Variants in NCK2 observed in about 807,000 individuals in gnomAD.
NCK2 encodes cytoplasmic protein NCK2.
Under a neutral mutation model 33.9 loss-of-function variants are expected in NCK2, and 16 were observed. The ratio of observed to expected loss-of-function variants is 0.47; its 90% CI spans 0.32 to 0.72. The LOEUF (loss-of-function observed/expected upper bound fraction) is 0.72. NCK2 is among the 30% of genes least tolerant of loss of function. The pLI is 0.03. For missense variants in NCK2, 418 were observed against 537.3 expected, an observed-to-expected ratio of 0.78 and a Z score of 2.19; for synonymous variants, 273 against 239.9, an observed-to-expected ratio of 1.14 and a Z score of -1.27.
chr2:105,834,417 C>T (rs1676312951), intron 2 of NCK2, among the ~76,000 whole-genome samples: 1 of 152,108 alleles, frequency 6.6e-6, no homozygotes, highest in African/African-American at 2.4e-5. Flanking sequence ...TGTTTTTTGA[C>T]TTAAAGTCTA....
intron 1 of NCK2, among the ~76,000 whole-genome samples, chr2:105,812,245 G>A (rs1179247647): frequency 2.6e-5 from 4 of 152,170 alleles, no homozygotes; most frequent in Non-Finnish European, 5.9e-5. Context: ...CTGTGCACTG[G>A]ATGATTAAGA....
intron 2 of NCK2, among the ~76,000 whole-genome samples, chr2:105,838,100 T>C (rs772888372): frequency 1.1e-3 from 144 of 133,980 alleles, no homozygotes; most frequent in Non-Finnish European, 2.0e-3. Flanking sequence ...ACTAGAACAG[T>C]CCTTTTTTTT....
chr2:105,827,161 G>A (rs11124060), intron 2 of NCK2, among the ~76,000 whole-genome samples: 95,303 of 151,880 alleles, frequency 0.63, 30,826 homozygotes, highest in African/African-American at 0.79. Flanking sequence ...CACCACGCCC[G>A]GCTAATTTTT....
At position 105,893,292 on chromosome 2, in the gene NCK2, T is replaced by C. The variant is rs549629906; in HGVS notation, c.*116T>C. 5.7e-6 allele frequency: 6 copies of C among 1,048,438 alleles called. No individual in the cohort carries two copies. The African/African-American group carries it at 9.6e-5, about 17-fold the overall frequency. 64.9% of individuals were successfully genotyped at this position (1,048,438 alleles called of 1,614,324 possible). A position where few individuals can be genotyped will look rare whatever the true frequency, so the allele number is the denominator to read the frequency against. ...CCGACGGCTTCTCTGCGAGTCTCTC[T>C]TTATGTTCAGGTCGCTTGGTCGGTT... On this transcript the variant is annotated 3_prime_UTR_variant, in exon 5 of 5. Transcript: ENST00000233154.
chr2:105,776,924 C>G (rs1404258821), intron 1 of NCK2, among the ~76,000 whole-genome samples: 4 of 151,296 alleles, frequency 2.6e-5, no homozygotes, highest in Admixed American at 6.6e-5. Flanking sequence ...TGGAAACCTC[C>G]TAGGGGTTTC....
chr2:105,858,194 C>A (rs779160807), intron 3 of NCK2, among the ~76,000 whole-genome samples: 4 of 151,990 alleles, frequency 2.6e-5, no homozygotes, highest in Non-Finnish European at 5.9e-5. Context: ...AGAAATTATC[C>A]CTGCTGTGTA....
Position 105,893,508 on chromosome 2 carries a change from G to A in NCK2, c.*332G>A. The A allele has an allele frequency of 3.5e-6, 1 of 282,676 alleles. No individual in the cohort carries two copies. Among genetic ancestry groups the A allele is most frequent in the East Asian group, 7.1e-5 (1 of 14,152 alleles). The allele number at this position is 282,676 out of a possible 1,614,324, so 17.5% of individuals were successfully genotyped here. On this transcript the variant is annotated 3_prime_UTR_variant, in exon 5 of 5. Transcript: ENST00000233154. Reference sequence around the variant, plus strand: ...ACGCAGGGCACCTGTGAGCGCAGGAGCGAGCCTAAGGCCACCCAGCGGCAG... The same window carrying A: ...ACGCAGGGCACCTGTGAGCGCAGGAACGAGCCTAAGGCCACCCAGCGGCAG...
At chr2:105,834,792 TC>T in intron 2 of NCK2, among the ~76,000 whole-genome samples, 2 of 152,258 alleles carry the variant, frequency 1.3e-5, no homozygotes, top group Middle Eastern at 3.4e-3. Context: ...TGCTTCAGCC[TC>T]CCGGGTAGCT....
chr2:105,862,317 A>G (rs1330776176), intron 3 of NCK2, among the ~76,000 whole-genome samples: 1 of 152,222 alleles, frequency 6.6e-6, no homozygotes, highest in African/African-American at 2.4e-5. Flanking sequence ...TTAGTCGAGT[A>G]GTCAAGCAAG....
chr2:105,876,278 C>G (rs1678231391), intron 3 of NCK2, among the ~76,000 whole-genome samples: 2 of 152,216 alleles, frequency 1.3e-5, no homozygotes, highest in Non-Finnish European at 2.9e-5. Context: ...TCTCTTGTCT[C>G]AAGTCTTGCT....
chr2:105,835,692 T>C (rs985109324), intron 2 of NCK2, among the ~76,000 whole-genome samples: 1 of 151,854 alleles, frequency 6.6e-6, no homozygotes, highest in Non-Finnish European at 1.5e-5. Context: ...GGAAGTTTCC[T>C]GCTATTACTT....
chr2:105,817,819 G>A (rs35201475), intron 2 of NCK2, among the ~76,000 whole-genome samples: 1 of 151,760 alleles, frequency 6.6e-6, no homozygotes, highest in African/African-American at 2.4e-5. Flanking sequence ...GAACACTTTT[G>A]CACTGTTGGT....
chr2:105,882,545 G>T (rs1678549651), intron 4 of NCK2, among the ~76,000 whole-genome samples: 1 of 152,160 alleles, frequency 6.6e-6, no homozygotes, highest in African/African-American at 2.4e-5. Context: ...GCGCCACTGA[G>T]TTCATCTCTC....
At chr2:105,762,889 G>T (rs1480596549) in intron 1 of NCK2, among the ~76,000 whole-genome samples, 1 of 152,174 alleles carries the variant, frequency 6.6e-6, no homozygotes, top group African/African-American at 2.4e-5. Flanking sequence ...TGCATAAAAT[G>T]AAAATCACTT....
intron 1 of NCK2, among the ~76,000 whole-genome samples, chr2:105,786,067 G>A (rs546263834): frequency 2.2e-4 from 33 of 152,084 alleles, no homozygotes; most frequent in African/African-American, 7.0e-4. Flanking sequence ...TTATTCTCAC[G>A]TCCCTTCCAC....
chr2:105,795,649 G>A (rs1691055082), intron 1 of NCK2, among the ~76,000 whole-genome samples: 2 of 152,192 alleles, frequency 1.3e-5, no homozygotes, highest in Admixed American at 6.5e-5. Context: ...TGCAGGCGTT[G>A]TTGATTGTCA....
intron 4 of NCK2, among the ~76,000 whole-genome samples, chr2:105,889,769 A>T (rs189446007): frequency 6.6e-6 from 1 of 152,044 alleles, no homozygotes; most frequent in African/African-American, 2.4e-5. Flanking sequence ...AATTTTATGT[A>T]GAGATAGGGT....
chr2:105,749,283 G>A (rs985540038), intron 1 of NCK2, among the ~76,000 whole-genome samples: 2 of 152,176 alleles, frequency 1.3e-5, no homozygotes, highest in African/African-American at 4.8e-5. Context: ...GAAGCTTCAA[G>A]TGCACTCAGA....
At chr2:105,857,265 G>T (rs989929967) in intron 3 of NCK2, 2 of 152,186 alleles carry the variant, frequency 1.3e-5, no homozygotes, top group African/African-American at 4.8e-5. Context: ...AGCTGTGATC[G>T]GTTCAGCCAA....
Sources: allele counts gnomAD v4.1 joint callset (sites outside exome capture counted in the v4.1 genomes callset), GRCh38; gene constraint gnomAD v4.1.1; transcripts MANE v1.5; gene names NCBI Gene and HGNC (gene_info 2026-07-23, HGNC 2026-07-21).